The following VSTM2B variants were observed in gnomAD, a reference collection of about 807,000 sequenced individuals.
VSTM2B encodes the protein V-set and transmembrane domain containing 2B.
A neutral mutation model predicts 24.0 loss-of-function variants in VSTM2B; 24 were observed. The observed-to-expected ratio is 1.00, with a 90% CI of 0.72 to 1.40. The LOEUF is 1.40. VSTM2B is among the 40% of genes most tolerant of loss of function. The pLI, the probability that VSTM2B is intolerant of heterozygous loss-of-function variation, is 0.00. For synonymous variants in VSTM2B, 226 were observed against 194.4 expected, an observed-to-expected ratio of 1.16 and a Z score of -1.35; for missense variants, 399 against 416.4, an observed-to-expected ratio of 0.96 and a Z score of 0.36.
chr19:29,550,523 G>C (rs954988519), intron 4 of VSTM2B, among the ~76,000 whole-genome samples: 5 of 152,252 alleles, frequency 3.3e-5, no homozygotes, highest in East Asian at 1.9e-4. Context: ...GGAGGGACCT[G>C]TCTGTGAGAC....
chr19:29,555,068 A>T (rs1378023785), intron 4 of VSTM2B, among the ~76,000 whole-genome samples: 5 of 152,190 alleles, frequency 3.3e-5, no homozygotes, highest in African/African-American at 1.2e-4. Context: ...GACCTGATAC[A>T]TAGCTACAGA....
chr19:29,555,374 T>G (rs1203073383), intron 4 of VSTM2B, among the ~76,000 whole-genome samples: 1 of 152,090 alleles, frequency 6.6e-6, no homozygotes, highest in South Asian at 2.1e-4. Context: ...ACAGGGACAA[T>G]GTACCAAAAT....
intron 4 of VSTM2B, among the ~76,000 whole-genome samples, chr19:29,555,706 T>TA (rs1297788574): frequency 1.3e-5 from 2 of 151,308 alleles, no homozygotes; most frequent in Non-Finnish European, 2.9e-5. Context: ...AAATAGAAAA[T>TA]AAAAAATGAT....
intron 3 of VSTM2B, chr19:29,528,912 G>C: frequency 1.0e-6 from 1 of 985,416 alleles, no homozygotes; most frequent in Non-Finnish European, 1.2e-6. Flanking sequence ...CCTCCGCCTG[G>C]ATTGCGGGTC....
intron 4 of VSTM2B, among the ~76,000 whole-genome samples, chr19:29,556,139 T>C (rs11879987): frequency 0.025 from 3,722 of 149,370 alleles, 154 homozygotes; most frequent in African/African-American, 0.088. Context: ...CCAATATCCC[T>C]GATGAACATC....
intron 4 of VSTM2B, among the ~76,000 whole-genome samples, chr19:29,548,599 A>G (rs1471123551): frequency 7.2e-5 from 11 of 152,134 alleles, no homozygotes; most frequent in African/African-American, 2.7e-4. Context: ...AGAGGTTCTC[A>G]CCCTGCAGCG....
chr19:29,541,577 T>C (rs947569771), intron 4 of VSTM2B, among the ~76,000 whole-genome samples: 3 of 151,404 alleles, frequency 2.0e-5, no homozygotes, highest in Non-Finnish European at 2.9e-5. Context: ...GATGGGATAA[T>C]GAATGGATGG....
intron 4 of VSTM2B, among the ~76,000 whole-genome samples, chr19:29,556,622 GA>G (rs1181245375): frequency 2.6e-5 from 4 of 152,172 alleles, no homozygotes; most frequent in Non-Finnish European, 5.9e-5. Context: ...CCTATATCTA[GA>G]AAACCCCATT....
chr19:29,538,324 G>T (rs1256036788), intron 4 of VSTM2B, among the ~76,000 whole-genome samples: 1 of 152,164 alleles, frequency 6.6e-6, no homozygotes, highest in Non-Finnish European at 1.5e-5. Flanking sequence ...GGATCCGGGG[G>T]GATAATCCGT....
chr19:29,528,652 T>C (rs1257372755), intron 3 of VSTM2B, among the ~76,000 whole-genome samples, 190 bp downstream of exon 3: 1 of 152,196 alleles, frequency 6.6e-6, no homozygotes, highest in African/African-American at 2.4e-5. Flanking sequence ...AGGGTCGGGT[T>C]CTCTTTTGTG....
intron 3 of VSTM2B, among the ~76,000 whole-genome samples, chr19:29,528,707 C>T (rs1195664420): frequency 4.6e-5 from 7 of 152,234 alleles, no homozygotes; most frequent in Admixed American, 1.3e-4. Flanking sequence ...CGGCTCGGCG[C>T]TGACCTGTAA....
At chr19:29,552,668 A>G (rs1300973256) in intron 4 of VSTM2B, among the ~76,000 whole-genome samples, 1 of 152,188 alleles carries the variant, frequency 6.6e-6, no homozygotes, top group Non-Finnish European at 1.5e-5. Context: ...TTCCGGGGAG[A>G]GGGGCAGCTG....
intron 4 of VSTM2B, among the ~76,000 whole-genome samples, chr19:29,561,625 C>T (rs553628588): frequency 3.3e-5 from 5 of 152,206 alleles, no homozygotes; most frequent in East Asian, 3.9e-4. Flanking sequence ...AACTCCATCT[C>T]GATTAATTAA....
intron 4 of VSTM2B, among the ~76,000 whole-genome samples, chr19:29,538,280 C>T (rs532645848): frequency 7.9e-5 from 12 of 152,320 alleles, no homozygotes; most frequent in South Asian, 4.1e-4. Flanking sequence ...ATCATCAGCA[C>T]GACACCGATT....
chr19:29,528,835 G>T, intron 3 of VSTM2B: 1 of 899,972 alleles, frequency 1.1e-6, no homozygotes, highest in Non-Finnish European at 1.3e-6. Flanking sequence ...CGACCGTGGC[G>T]CCAGCTTCCC....
intron 4 of VSTM2B, among the ~76,000 whole-genome samples, chr19:29,538,352 A>G (rs1230103909): frequency 6.6e-6 from 1 of 152,180 alleles, no homozygotes; most frequent in East Asian, 1.9e-4. Context: ...TGTTAGCTTA[A>G]CACAGGGCCT....
chr19:29,562,535 G>A (rs546632615), intron 4 of VSTM2B, among the ~76,000 whole-genome samples: 9 of 152,202 alleles, frequency 5.9e-5, no homozygotes, highest in Non-Finnish European at 1.3e-4. Flanking sequence ...GTGGGGTCAA[G>A]AGAAGGGAGG....
rs1304301985 is a variant in VSTM2B, at chr19:29,530,186, CGGCG to C, written c.667_670del (p.Ala223ProfsTer50). 8.1e-6 allele frequency: 12 copies of C among 1,490,132 alleles called. No individual in the cohort carries two copies. Among genetic ancestry groups the C allele is most frequent in the Non-Finnish European group, 9.8e-6 (11 of 1,127,420 alleles). 92.3% of individuals were successfully genotyped at this position (1,490,132 alleles called of 1,614,324 possible). ...GCAGTCCCCGAGGCCGCGGCAGCCT[CGGCG>C]GCCCACACGCCCACCACCACAGTCG... On this transcript the variant is annotated frameshift_variant, in exon 4 of 5. Coordinates refer to ENST00000335523, the MANE Select transcript of VSTM2B (RefSeq NM_001146339.2). LOFTEE classifies it high-confidence loss of function.
At chr19:29,560,104 CAA>C (rs1970493143) in intron 4 of VSTM2B, among the ~76,000 whole-genome samples, 1 of 152,158 alleles carries the variant, frequency 6.6e-6, no homozygotes, top group Non-Finnish European at 1.5e-5. Context: ...CTAGGAGGCA[CAA>C]GAGAGAGGGC....
Sources: allele counts gnomAD v4.1 joint callset (sites outside exome capture counted in the v4.1 genomes callset), GRCh38; gene constraint gnomAD v4.1.1; transcripts MANE v1.5; gene names NCBI Gene and HGNC (gene_info 2026-07-23, HGNC 2026-07-21).